Variants in PTPRC observed in about 807,000 individuals in gnomAD.
PTPRC encodes the protein protein tyrosine phosphatase receptor type C, also known as receptor-type tyrosine-protein phosphatase C.
PTPRC carries 44 observed loss-of-function variants against 155.9 expected under a neutral mutation model. The observed-to-expected ratio is 0.28, with a 90% CI of 0.22 to 0.36. The LOEUF (loss-of-function observed/expected upper bound fraction) is 0.36. PTPRC is among the 10% of genes least tolerant of loss of function. PTPRC has a pLI of 1.00. For missense variants in PTPRC, 1,401 were observed against 1,564.6 expected, an observed-to-expected ratio of 0.90 and a Z score of 1.76; for synonymous variants, 525 against 533.1, an observed-to-expected ratio of 0.98 and a Z score of 0.21.
Position 198,742,386 on chromosome 1 carries a change from T to C in PTPRC, c.2697+19T>C, listed in dbSNP as rs781107497. ...AGTAGAGGTATGTTCTAACCTTTAG[T>C]GATTATTCTCACTTTGGTTTTTTGG... On this transcript the variant is annotated intron_variant, in intron 25 of 32. Coordinates refer to ENST00000442510, the MANE Select transcript of PTPRC (RefSeq NM_002838.5). The C allele has an allele frequency of 6.2e-7, 1 of 1,611,426 alleles. No individual in the cohort carries two copies. The highest frequency in any genetic ancestry group is 1.1e-5 in the South Asian group (1 of 91,032).
chr1:198,643,548 G>A (rs572173535), intron 2 of PTPRC, among the ~76,000 whole-genome samples: 1 of 151,726 alleles, frequency 6.6e-6, no homozygotes, highest in Non-Finnish European at 1.5e-5. Context: ...TTGTTTGTTT[G>A]TTTGTTTGTT....
chr1:198,672,124 C>T (rs900470222), intron 2 of PTPRC, among the ~76,000 whole-genome samples: 5 of 152,110 alleles, frequency 3.3e-5, no homozygotes, highest in African/African-American at 7.2e-5. Context: ...AACTACATTC[C>T]CTTTGATAGT....
chr1:198,645,909 A>G (rs1662913172), intron 2 of PTPRC, among the ~76,000 whole-genome samples: 1 of 151,762 alleles, frequency 6.6e-6, no homozygotes, highest in Non-Finnish European at 1.5e-5. Flanking sequence ...CCTGCCTTCA[A>G]TCCTTACTGT....
intron 2 of PTPRC, among the ~76,000 whole-genome samples, chr1:198,643,247 T>C (rs1662739393): frequency 6.6e-6 from 1 of 151,840 alleles, no homozygotes; most frequent in Non-Finnish European, 1.5e-5. Flanking sequence ...TTCTTGACAT[T>C]GTAACCTACA....
At chr1:198,700,006 G>T (rs556964340) in intron 5 of PTPRC, 10 of 472,220 alleles carry the variant, frequency 2.1e-5, no homozygotes, top group Admixed American at 7.0e-5. Context: ...AAAACTTTTT[G>T]TTAGAAGTAA....
rs183744487 is a variant in PTPRC, at chr1:198,715,652, A to G, written c.1292-1030A>G. 9.6e-3 allele frequency among the ~76,000 whole-genome samples: 1,458 copies of G among 152,146 alleles called. 10 individuals are homozygous for G. Among genetic ancestry groups the G allele is most frequent in the Middle Eastern group, 0.02 (6 of 294 alleles). ...GCCTTTTATTTTTTTAAGAAAAAAAAAACAGAACAAATTGCTTAATCTCTC... is the reference window on the plus strand; with the variant it reads ...GCCTTTTATTTTTTTAAGAAAAAAAGAACAGAACAAATTGCTTAATCTCTC... On this transcript the variant is annotated intron_variant, in intron 12 of 32. Coordinates refer to ENST00000442510, the MANE Select transcript of PTPRC (RefSeq NM_002838.5).
At chr1:198,687,107 C>A (rs890814805) in intron 2 of PTPRC, among the ~76,000 whole-genome samples, 1 of 152,124 alleles carries the variant, frequency 6.6e-6, no homozygotes. Context: ...CACTCATGGG[C>A]GTAGCCTCCC....
At chr1:198,734,510 T>G (rs1654537058) in intron 22 of PTPRC, 85 bp downstream of exon 22, 2 of 1,114,926 alleles carry the variant, frequency 1.8e-6, no homozygotes, top group Admixed American at 1.7e-5. Flanking sequence ...CACATGTATC[T>G]GCCTGATGAC....
At chr1:198,656,294 T>C (rs1663561615) in intron 2 of PTPRC, among the ~76,000 whole-genome samples, 1 of 152,140 alleles carries the variant, frequency 6.6e-6, no homozygotes, top group African/African-American at 2.4e-5. Flanking sequence ...TATACTATTC[T>C]AAGACATTTG....
At chr1:198,694,156 CA>C in intron 3 of PTPRC, 1 of 1,507,854 alleles carries the variant, frequency 6.6e-7, no homozygotes, top group South Asian at 1.3e-5. Flanking sequence ...TCCAAGAGTC[CA>C]AAAGCTGAGG....
intron 2 of PTPRC, among the ~76,000 whole-genome samples, chr1:198,649,530 C>T (rs767245846): frequency 2.6e-5 from 4 of 151,772 alleles, no homozygotes; most frequent in South Asian, 2.1e-4. Context: ...TTCAGACAAT[C>T]GCTACTTTTA....
chr1:198,743,067 C>CAAAA lies in PTPRC; in HGVS notation c.2697+718_2697+721dup, dbSNP rs10628640. 1.2e-3 allele frequency among the ~76,000 whole-genome samples: 89 copies of CAAAA among 75,892 alleles called. 1 individual carries two copies. Among genetic ancestry groups the CAAAA allele is most frequent in the Non-Finnish European group, 1.5e-3 (60 of 39,904 alleles). The allele number at this position is 75,892 out of a possible 152,430, so 49.8% of individuals were successfully genotyped here. On this transcript the variant is annotated intron_variant, in intron 25 of 32. Transcript: ENST00000442510. ...ATTGCATTCAGCATTGTCAAAATAG[C>CAAAA]AAAAAAAAAAAAAAAAAAAAAGTGA...
intron 23 of PTPRC, among the ~76,000 whole-genome samples, chr1:198,738,135 G>A (rs184074859): frequency 2.8e-4 from 42 of 151,836 alleles, no homozygotes; most frequent in African/African-American, 7.5e-4. Context: ...TTTCCAATTT[G>A]GATGCCTTGT....
At chr1:198,730,515 G>C (rs1014619445) in intron 17 of PTPRC, among the ~76,000 whole-genome samples, 3 of 151,982 alleles carry the variant, frequency 2.0e-5, no homozygotes, top group Non-Finnish European at 4.4e-5. Context: ...ACTGACATAG[G>C]GTATCGTGAG....
Position 198,699,607 on chromosome 1 carries a change from C to A in PTPRC, c.342C>A (p.Asp114Glu). 1.2e-6 allele frequency: 2 copies of A among 1,614,228 alleles called. No homozygotes were observed. The highest frequency in any genetic ancestry group is 1.7e-6 in the Non-Finnish European group (2 of 1,180,042). The change falls in exon 5 of 33, where the codon GAC (aspartate) becomes GAA (glutamate). Residue 114 changes from aspartate (D) to glutamate (E), a missense_variant. Physicochemically the swap from Asp to Glu is conservative, Grantham distance 45 (BLOSUM62 2). Around this residue, in one of 3 missense-constraint regions of PTPRC, gnomAD observed 867 missense variants for 970.4 expected, o/e 0.89. Transcript: ENST00000442510. ...CGCCTCACCTTCCCACGCACGCAGA[C>A]TCGCAGACGCCCTCTGCTGGAACTG... ...VQTPHLPTHA[D>E]SQTPSAGTDT...
intron 17 of PTPRC, among the ~76,000 whole-genome samples, chr1:198,729,917 A>G (rs1654312780): frequency 6.6e-6 from 1 of 152,106 alleles, no homozygotes; most frequent in South Asian, 2.1e-4. Flanking sequence ...GAGTGGATGG[A>G]AGTCACAGAG....
At chr1:198,692,673 T>TA (rs994297125) in intron 3 of PTPRC, 16 of 945,272 alleles carry the variant, frequency 1.7e-5, no homozygotes, top group Non-Finnish European at 6.4e-6. Flanking sequence ...TTTAAGACTA[T>TA]AAAAAAATGC....
At chr1:198,656,894 A>G (rs988765811) in intron 2 of PTPRC, among the ~76,000 whole-genome samples, 5 of 151,868 alleles carry the variant, frequency 3.3e-5, no homozygotes, top group Non-Finnish European at 7.4e-5. Flanking sequence ...GACCTGTTGG[A>G]GGACTAAAGA....
intron 17 of PTPRC, 103 bp from the exon 18 acceptor site, chr1:198,731,514 G>A: frequency 1.2e-6 from 1 of 840,198 alleles, no homozygotes; most frequent in South Asian, 1.4e-5. Flanking sequence ...GTACGAGGAG[G>A]AAAGAAGCTA....
Sources: allele counts gnomAD v4.1 joint callset (sites outside exome capture counted in the v4.1 genomes callset), GRCh38; gene constraint gnomAD v4.1.1; regional missense constraint gnomAD v4.1.1; transcripts MANE v1.5; gene names NCBI Gene and HGNC (gene_info 2026-07-23, HGNC 2026-07-21).